The following MRC1 variants were observed in gnomAD, a reference collection of about 807,000 sequenced individuals.
MRC1 encodes mannose receptor C-type 1, also known as macrophage mannose receptor 1.
Under a neutral mutation model 102.9 loss-of-function variants are expected in MRC1, and 62 were observed. The observed-to-expected ratio is 0.60, with a 90% CI of 0.49 to 0.74. MRC1 has a LOEUF of 0.74. Ranked by LOEUF, MRC1 falls within the 30% of genes least tolerant of loss-of-function variation. MRC1 has a pLI of 0.00. For synonymous variants in MRC1, 457 were observed against 298.4 expected (o/e 1.53, Z -5.48); for missense variants, 1,237 against 862.8 (o/e 1.43, Z -5.43).
chr10:17,833,592 C>T (rs1396916909), intron 3 of MRC1, 83 bp from the exon 4 acceptor site: 21 of 773,364 alleles, frequency 2.7e-5, no homozygotes, highest in Non-Finnish European at 4.8e-5. Context: ...GGCAAAAATG[C>T]TCCTAGGTGG....
chr10:17,810,428 G>A (rs1330287331), intron 1 of MRC1, among the ~76,000 whole-genome samples: 2 of 152,190 alleles, frequency 1.3e-5, no homozygotes, highest in African/African-American at 4.8e-5. Flanking sequence ...GTGAAGGCGG[G>A]TGGGAAGTTT....
rs35160301 is a variant in MRC1 at position 17,835,540 on chromosome 10, C to T, written c.802+1701C>T. Among the ~76,000 whole-genome samples, 5 of 152,012 alleles carry T rather than the reference C, an allele frequency of 3.3e-5. No homozygotes were observed. The East Asian group carries it at 9.6e-4, about 29-fold the overall frequency. ...AGCAAACTGAAGGCCATGTGGAGATCGCGTCAGAGGGGGAAATAGCTGAAA... is the reference window on the plus strand; with the variant it reads ...AGCAAACTGAAGGCCATGTGGAGATTGCGTCAGAGGGGGAAATAGCTGAAA... On this transcript the variant is annotated intron_variant, in intron 4 of 29. Transcript: ENST00000569591.
chr10:17,856,695 A>C (rs1348836487), intron 9 of MRC1, among the ~76,000 whole-genome samples: 1 of 152,126 alleles, frequency 6.6e-6, no homozygotes, highest in Non-Finnish European at 1.5e-5. Flanking sequence ...TCTATAGTAG[A>C]AGGTGACAGT....
chr10:17,852,897 C>A (rs1030309717), intron 7 of MRC1, 70 bp from the exon 8 acceptor site: 3 of 779,854 alleles, frequency 3.8e-6, no homozygotes, highest in Non-Finnish European at 7.2e-6. Context: ...GAGTGCCTTC[C>A]GTTCCTTTTA....
intron 10 of MRC1, chr10:17,863,016 T>C (rs1833206946): frequency 6.4e-6 from 1 of 157,158 alleles, no homozygotes; most frequent in Non-Finnish European, 1.4e-5. Flanking sequence ...TGCTTCTCTG[T>C]ATTTCTTGAT....
chr10:17,870,019 A>G (rs1833332344), intron 12 of MRC1, among the ~76,000 whole-genome samples: 1 of 152,218 alleles, frequency 6.6e-6, no homozygotes, highest in Non-Finnish European at 1.5e-5. Context: ...CTTGTGCTAT[A>G]AAATAATTTT....
intron 1 of MRC1, among the ~76,000 whole-genome samples, chr10:17,810,103 A>T (rs1838200422): frequency 6.6e-6 from 1 of 152,156 alleles, no homozygotes. Flanking sequence ...GACTATTCAA[A>T]CTGCCGCATA....
intron 21 of MRC1, among the ~76,000 whole-genome samples, chr10:17,882,783 T>C (rs1029662109): frequency 6.6e-6 from 1 of 152,052 alleles, no homozygotes; most frequent in African/African-American, 2.4e-5. Flanking sequence ...TACAAGAACA[T>C]AACATTCACA....
At chr10:17,867,364 C>CCTTCTTCTTCTTCTT (rs782794499) in intron 12 of MRC1, among the ~76,000 whole-genome samples, 5 of 141,254 alleles carry the variant, frequency 3.5e-5, no homozygotes, top group African/African-American at 1.1e-4. Flanking sequence ...TTCTCCTTCT[C>CCTTCTTCTTCTTCTT]CTTCTTCTTC....
At chr10:17,831,437 C>G (rs1050480098) in intron 3 of MRC1, among the ~76,000 whole-genome samples, 7 of 151,244 alleles carry the variant, frequency 4.6e-5, no homozygotes, top group Non-Finnish European at 1.0e-4. Flanking sequence ...ATGCTGTTGC[C>G]TGAATCAAAT....
At chr10:17,852,475 A>C (rs1448159775) in intron 7 of MRC1, among the ~76,000 whole-genome samples, 1 of 152,234 alleles carries the variant, frequency 6.6e-6, no homozygotes, top group Non-Finnish European at 1.5e-5. Flanking sequence ...AATGTTCTTG[A>C]TAACAAGAGT....
At chr10:17,896,978 T>A (rs1833762799) in intron 23 of MRC1, among the ~76,000 whole-genome samples, 1 of 152,188 alleles carries the variant, frequency 6.6e-6, no homozygotes, top group Admixed American at 6.5e-5. Context: ...ACATACAGTC[T>A]CTACTGCAAA....
At chr10:17,827,743 T>C (rs1442097742) in intron 3 of MRC1, 28 bp downstream of exon 3, 16 of 780,448 alleles carry the variant, frequency 2.1e-5, no homozygotes, top group Non-Finnish European at 2.6e-5. Flanking sequence ...CCAAGAAAAG[T>C]TGGGCACATT....
At position 17,870,192 on chromosome 10, in the gene MRC1, T is replaced by C. The variant is rs964973164; in HGVS notation, c.1984-54T>C. ...ATCAAAAGTAAATATTTGTTTCTCT[T>C]AATTTGATAAACTACAAAGCATAAA... On this transcript the variant is annotated intron_variant, in intron 12 of 29. Coordinates refer to ENST00000569591, the MANE Select transcript of MRC1 (RefSeq NM_002438.4). 25 of 751,266 alleles carry C rather than the reference T, an allele frequency of 3.3e-5. No individual in the cohort carries two copies. The African/African-American group carries it at 4.0e-4, about 12-fold the overall frequency. 46.5% of individuals were successfully genotyped at this position (751,266 alleles called of 1,614,324 possible).
At chr10:17,881,010 C>A in intron 20 of MRC1, 57 bp from the exon 21 acceptor site, 1 of 778,060 alleles carries the variant, frequency 1.3e-6, no homozygotes, top group South Asian at 1.3e-5. Context: ...CAAAGTTGAT[C>A]ATCTTTAGTT....
chr10:17,909,463 A>G (rs1316494620), intron 29 of MRC1, 116 bp downstream of exon 29: 7 of 721,186 alleles, frequency 9.7e-6, no homozygotes, highest in African/African-American at 1.8e-5. Flanking sequence ...GAATTTGCTT[A>G]AGCTAAACTA....
At chr10:17,818,524 C>G (rs1838346462) in intron 1 of MRC1, among the ~76,000 whole-genome samples, 2 of 152,278 alleles carry the variant, frequency 1.3e-5, no homozygotes, top group Non-Finnish European at 2.9e-5. Flanking sequence ...GATGTTGACA[C>G]TTGGCTGGGC....
intron 7 of MRC1, among the ~76,000 whole-genome samples, chr10:17,852,259 C>T (rs997695248): frequency 1.9e-4 from 29 of 152,210 alleles, no homozygotes; most frequent in Admixed American, 9.2e-4. Context: ...TGGTTGTTTT[C>T]GTTTTACCCT....
chr10:17,875,508 A>G (rs908464037), intron 17 of MRC1, among the ~76,000 whole-genome samples: 2 of 152,208 alleles, frequency 1.3e-5, no homozygotes, highest in Non-Finnish European at 2.9e-5. Context: ...GAGTGAGAAC[A>G]TGAGATGTTT....
Sources: gnomAD v4.1 joint callset for allele counts (sites outside exome capture counted in the v4.1 genomes callset) on GRCh38, gnomAD v4.1.1 for gene constraint, MANE v1.5 for transcripts, NCBI Gene and HGNC (gene_info 2026-07-23, HGNC 2026-07-21) for gene names.